CCBE1: variants seen among roughly 807,000 people sequenced by gnomAD.
CCBE1 encodes collagen and calcium-binding EGF domain-containing protein 1.
Under a neutral mutation model 50.0 loss-of-function variants are expected in CCBE1, and 37 were observed. That is an observed-to-expected ratio of 0.74 (90% CI 0.57 to 0.97). The LOEUF (loss-of-function observed/expected upper bound fraction) is 0.97. Ranked by LOEUF, CCBE1 falls within the 50% of genes least tolerant of loss-of-function variation. CCBE1 has a pLI of 0.00. For synonymous variants in CCBE1, 234 were observed against 203.7 expected, an observed-to-expected ratio of 1.15 and a Z score of -1.27; for missense variants, 538 against 523.8, an observed-to-expected ratio of 1.03 and a Z score of -0.26.
intron 2 of CCBE1, among the ~76,000 whole-genome samples, chr18:59,501,443 G>C (rs1913617166): frequency 6.6e-6 from 1 of 152,184 alleles, no homozygotes; most frequent in Non-Finnish European, 1.5e-5. Context: ...GGCCAGGCTG[G>C]AAGTGAGAGT....
intron 2 of CCBE1, among the ~76,000 whole-genome samples, chr18:59,581,149 C>G (rs2053078293): frequency 6.6e-6 from 1 of 152,088 alleles, no homozygotes; most frequent in African/African-American, 2.4e-5. Flanking sequence ...GGACAATGTT[C>G]AAGGCACTCC....
intron 2 of CCBE1, among the ~76,000 whole-genome samples, chr18:59,635,538 T>G (rs1314039235): frequency 6.6e-6 from 1 of 152,124 alleles, no homozygotes; most frequent in Non-Finnish European, 1.5e-5. Flanking sequence ...TCCAAAATAC[T>G]GATTAAAAAT....
At chr18:59,491,852 T>C (rs960079272) in intron 2 of CCBE1, among the ~76,000 whole-genome samples, 11 of 52,078 alleles carry the variant, frequency 2.1e-4, no homozygotes, top group Non-Finnish European at 2.8e-4. Context: ...AAACGTTTCA[T>C]GGTCTATTCC....
At chr18:59,652,894 G>A (rs1265951598) in intron 2 of CCBE1, among the ~76,000 whole-genome samples, 4 of 152,060 alleles carry the variant, frequency 2.6e-5, no homozygotes, top group Non-Finnish European at 5.9e-5. Flanking sequence ...AACCTGGGAG[G>A]CGGAGCTTGC....
intron 2 of CCBE1, among the ~76,000 whole-genome samples, chr18:59,609,886 G>A (rs1227615049): frequency 6.6e-6 from 1 of 152,156 alleles, no homozygotes; most frequent in Non-Finnish European, 1.5e-5. Flanking sequence ...ATGTGATTGG[G>A]CAATATTTCC....
intron 6 of CCBE1, among the ~76,000 whole-genome samples, chr18:59,450,308 G>A (rs888363230): frequency 7.9e-5 from 12 of 152,108 alleles, no homozygotes; most frequent in South Asian, 4.2e-4. Context: ...GATGGATGGC[G>A]CTGTTCTCAG....
chr18:59,581,675 T>C (rs1219011373), intron 2 of CCBE1, among the ~76,000 whole-genome samples: 1 of 152,172 alleles, frequency 6.6e-6, no homozygotes, highest in Non-Finnish European at 1.5e-5. Context: ...CACTACAGCA[T>C]TGTCTACTTC....
At chr18:59,572,464 A>G (rs558854092) in intron 2 of CCBE1, among the ~76,000 whole-genome samples, 2 of 152,332 alleles carry the variant, frequency 1.3e-5, no homozygotes, top group African/African-American at 4.8e-5. Context: ...CACAACATAG[A>G]CTTTACCAGA....
chr18:59,692,644 A>G (rs1490589119), intron 2 of CCBE1, among the ~76,000 whole-genome samples: 2 of 152,172 alleles, frequency 1.3e-5, no homozygotes, highest in Non-Finnish European at 1.5e-5. Flanking sequence ...ACACATTTGC[A>G]AAAACATCAC....
chr18:59,689,215 G>A (rs2054697157), intron 2 of CCBE1, among the ~76,000 whole-genome samples: 1 of 152,206 alleles, frequency 6.6e-6, no homozygotes, highest in African/African-American at 2.4e-5. Context: ...ATAGCCTCCT[G>A]TGGGACAGCC....
intron 5 of CCBE1, among the ~76,000 whole-genome samples, chr18:59,458,692 T>C (rs760500236): frequency 6.6e-6 from 1 of 151,706 alleles, no homozygotes; most frequent in Non-Finnish European, 1.5e-5. Flanking sequence ...TTTGGAGGAG[T>C]GGGTGCACGC....
intron 3 of CCBE1, among the ~76,000 whole-genome samples, chr18:59,475,794 T>G (rs1912279285): frequency 6.6e-6 from 1 of 152,198 alleles, no homozygotes; most frequent in Non-Finnish European, 1.5e-5. Flanking sequence ...TTCGGCTCAC[T>G]GCAACCTCCA....
At chr18:59,456,809 T>C (rs1015466244) in intron 5 of CCBE1, among the ~76,000 whole-genome samples, 1 of 152,118 alleles carries the variant, frequency 6.6e-6, no homozygotes, top group Non-Finnish European at 1.5e-5. Flanking sequence ...CTTCTGCCCT[T>C]TGGGAGGTGA....
At chr18:59,647,719 G>C (rs1415344020) in intron 2 of CCBE1, among the ~76,000 whole-genome samples, 1 of 152,086 alleles carries the variant, frequency 6.6e-6, no homozygotes, top group Non-Finnish European at 1.5e-5. Flanking sequence ...GTACTTATAA[G>C]GAGAGAAGGA....
At chr18:59,530,523 C>T (rs1915006051) in intron 2 of CCBE1, among the ~76,000 whole-genome samples, 1 of 151,800 alleles carries the variant, frequency 6.6e-6, no homozygotes, top group Non-Finnish European at 1.5e-5. Context: ...CTTTTAATTC[C>T]ATGGCACCTA....
chr18:59,549,908 G>A (rs940266306), intron 2 of CCBE1, among the ~76,000 whole-genome samples: 4 of 152,202 alleles, frequency 2.6e-5, no homozygotes, highest in Non-Finnish European at 5.9e-5. Flanking sequence ...ATGCAGATAA[G>A]CAAGCTGAGA....
chr18:59,697,500 T>C, upstream of CCBE1: 3 of 943,134 alleles, frequency 3.2e-6, no homozygotes, highest in South Asian at 3.5e-5. Flanking sequence ...CGGAATATTA[T>C]GGGGCTGGGG....
chr18:59,668,774 G>A (rs866717998), intron 2 of CCBE1, among the ~76,000 whole-genome samples: 2 of 149,778 alleles, frequency 1.3e-5, no homozygotes, highest in Non-Finnish European at 1.5e-5. Flanking sequence ...CACTTTGTAA[G>A]TGCGATATGT....
chr18:59,637,443 A>G (rs911945555), intron 2 of CCBE1, among the ~76,000 whole-genome samples: 1 of 152,158 alleles, frequency 6.6e-6, no homozygotes, highest in Non-Finnish European at 1.5e-5. Context: ...ATCCAAAAGT[A>G]AAACACACCA....
Sources: gnomAD v4.1 joint callset for allele counts (sites outside exome capture counted in the v4.1 genomes callset) on GRCh38, gnomAD v4.1.1 for gene constraint, MANE v1.5 for transcripts, NCBI Gene and HGNC (gene_info 2026-07-23, HGNC 2026-07-21) for gene names.